Variants in ADAMTSL3 observed in about 807,000 individuals in gnomAD.
ADAMTSL3 encodes the protein ADAMTS like 3, also known as ADAMTS-like protein 3.
ADAMTSL3 carries 128 observed loss-of-function variants against 201.7 expected under a neutral mutation model. The ratio of observed to expected loss-of-function variants is 0.63; its 90% CI spans 0.55 to 0.73. ADAMTSL3 has a LOEUF of 0.73. Ranked by LOEUF, ADAMTSL3 falls within the 30% of genes least tolerant of loss-of-function variation. The pLI, the probability that ADAMTSL3 is intolerant of heterozygous loss-of-function variation, is 0.00. For missense variants in ADAMTSL3, 1,990 were observed against 2,119.6 expected (o/e 0.94, Z 1.20); for synonymous variants, 738 against 748.4 (o/e 0.99, Z 0.23).
chr15:83,690,012 T>G (rs558549292), intron 2 of ADAMTSL3, among the ~76,000 whole-genome samples: 1 of 152,338 alleles, frequency 6.6e-6, no homozygotes, highest in Non-Finnish European at 1.5e-5. Context: ...GAGTCAGTTT[T>G]GGTTAATTAC....
chr15:83,828,392 A>G (rs1389137496), intron 6 of ADAMTSL3, among the ~76,000 whole-genome samples: 7 of 152,284 alleles, frequency 4.6e-5, no homozygotes, highest in Admixed American at 1.3e-4. Flanking sequence ...CTGAGACTTC[A>G]CTGAAGTTGC....
At chr15:83,925,927 G>C (rs2066236960) in intron 17 of ADAMTSL3, among the ~76,000 whole-genome samples, 1 of 152,140 alleles carries the variant, frequency 6.6e-6, no homozygotes, top group African/African-American at 2.4e-5. Context: ...TACAGGGAGG[G>C]GGCAAAACAT....
At chr15:83,946,048 G>C (rs11630705) in intron 19 of ADAMTSL3, 46,891 of 152,264 alleles carry the variant, frequency 0.31, 8,281 homozygotes, top group Non-Finnish European at 0.4. Context: ...TTGAGGAGGA[G>C]AAACCAGACA....
intron 9 of ADAMTSL3, among the ~76,000 whole-genome samples, chr15:83,871,923 A>G (rs1006805729): frequency 6.6e-6 from 1 of 152,220 alleles, no homozygotes; most frequent in Non-Finnish European, 1.5e-5. Flanking sequence ...TTAGCTTTAA[A>G]AAGCTGTCTG....
chr15:83,797,798 C>G (rs1040588867), intron 4 of ADAMTSL3, among the ~76,000 whole-genome samples: 2 of 151,910 alleles, frequency 1.3e-5, no homozygotes, highest in African/African-American at 4.8e-5. Flanking sequence ...CTGTAAACAC[C>G]CAGAAGAGAA....
chr15:83,862,134 T>G (rs915415776), intron 8 of ADAMTSL3: 5 of 152,202 alleles, frequency 3.3e-5, no homozygotes, highest in African/African-American at 1.2e-4. Flanking sequence ...AGACCAAATC[T>G]ACGTCTGATT....
intron 2 of ADAMTSL3, among the ~76,000 whole-genome samples, chr15:83,670,646 C>A (rs1023509971): frequency 2.6e-5 from 4 of 152,150 alleles, no homozygotes; most frequent in Non-Finnish European, 4.4e-5. Flanking sequence ...AAGACCTAAT[C>A]AATTCATTTT....
chr15:83,969,867 G>A (rs187805089), intron 19 of ADAMTSL3, among the ~76,000 whole-genome samples: 6 of 152,286 alleles, frequency 3.9e-5, no homozygotes, highest in Admixed American at 3.9e-4. Context: ...TTATTAAGAA[G>A]GTAGATCTTA....
intron 17 of ADAMTSL3, among the ~76,000 whole-genome samples, chr15:83,935,302 T>A (rs902194676): frequency 6.6e-6 from 1 of 152,198 alleles, no homozygotes; most frequent in Non-Finnish European, 1.5e-5. Flanking sequence ...GGAAATGTTC[T>A]TGTAGATAAG....
intron 23 of ADAMTSL3, among the ~76,000 whole-genome samples, chr15:83,993,065 C>T (rs2067612311): frequency 6.6e-6 from 1 of 152,224 alleles, no homozygotes; most frequent in African/African-American, 2.4e-5. Flanking sequence ...TCCAAATGCA[C>T]CACAATCATT....
At chr15:83,670,252 T>C (rs1174636430) in intron 2 of ADAMTSL3, among the ~76,000 whole-genome samples, 2 of 92,944 alleles carry the variant, frequency 2.2e-5, no homozygotes, top group East Asian at 5.9e-4. Context: ...TGAGAGACTC[T>C]GTCTCCAAAA....
intron 3 of ADAMTSL3, among the ~76,000 whole-genome samples, chr15:83,749,262 A>C (rs1407063900): frequency 6.6e-6 from 1 of 152,176 alleles, no homozygotes; most frequent in Non-Finnish European, 1.5e-5. Flanking sequence ...CTCCAAGGTT[A>C]GCTTTTAATT....
At position 83,772,200 on chromosome 15, in the gene ADAMTSL3, A is replaced by G. The variant is rs890311; in HGVS notation, c.190-1323A>G. ...TTATGCCACTAGATGAACTTTAGAAACATTTGTTATGTTTCAAAAATTTTT... is the reference window on the plus strand; with the variant it reads ...TTATGCCACTAGATGAACTTTAGAAGCATTTGTTATGTTTCAAAAATTTTT... On this transcript the variant is annotated intron_variant, in intron 3 of 29. Coordinates refer to ENST00000286744, the MANE Select transcript of ADAMTSL3 (RefSeq NM_207517.3). Among the ~76,000 whole-genome samples, 71 of 152,098 alleles carry G rather than the reference A, an allele frequency of 4.7e-4. 1 individual carries two copies. Among genetic ancestry groups the G allele is most frequent in the Admixed American group, 2.0e-3 (31 of 15,292 alleles).
At chr15:83,897,778 C>T (rs1348203207) in intron 13 of ADAMTSL3, 80 bp from the exon 14 acceptor site, 1 of 1,441,918 alleles carries the variant, frequency 6.9e-7, no homozygotes, top group Non-Finnish European at 9.3e-7. Flanking sequence ...AGTTCAATGG[C>T]TCTCCTTTGC....
chr15:83,659,859 C>G lies in ADAMTSL3; in HGVS notation c.69+4029C>G, dbSNP rs557869656. ...AGGAGCTAACGCATGCCAGCAACCT[C>G]TAGAAGTTGGAAGAGATAAGAAATG... is the stretch of plus-strand genomic sequence containing the variant. On this transcript the variant is annotated intron_variant, in intron 2 of 29. Coordinates refer to ENST00000286744, the MANE Select transcript of ADAMTSL3 (RefSeq NM_207517.3). Among the ~76,000 whole-genome samples the G allele has an allele frequency of 2.6e-5, 4 of 152,246 alleles. No homozygotes were observed. The South Asian group carries it at 8.3e-4, about 32-fold the overall frequency.
intron 25 of ADAMTSL3, among the ~76,000 whole-genome samples, chr15:84,016,845 T>C (rs1426814251): frequency 1.3e-5 from 2 of 152,214 alleles, no homozygotes; most frequent in African/African-American, 2.4e-5. Context: ...TGGAATTGAT[T>C]TTTTAATTGT....
intron 3 of ADAMTSL3, among the ~76,000 whole-genome samples, chr15:83,752,858 GT>G (rs1376907952): frequency 3.9e-5 from 6 of 152,226 alleles, no homozygotes; most frequent in African/African-American, 1.4e-4. Context: ...TATAGAGACC[GT>G]TTGCTCATAT....
intron 3 of ADAMTSL3, among the ~76,000 whole-genome samples, chr15:83,732,443 C>T (rs529385826): frequency 2.0e-5 from 3 of 152,048 alleles, no homozygotes; most frequent in Admixed American, 6.6e-5. Context: ...AAAACATACA[C>T]GAGTAAAAGT....
intron 2 of ADAMTSL3, among the ~76,000 whole-genome samples, chr15:83,681,258 T>C (rs1046843489): frequency 3.9e-5 from 6 of 152,240 alleles, no homozygotes; most frequent in African/African-American, 1.2e-4. Flanking sequence ...ATCTGAAACA[T>C]TGCAGATTTC....
Sources: gnomAD v4.1 joint callset for allele counts (sites outside exome capture counted in the v4.1 genomes callset) on GRCh38, gnomAD v4.1.1 for gene constraint, MANE v1.5 for transcripts, NCBI Gene and HGNC (gene_info 2026-07-23, HGNC 2026-07-21) for gene names.